The following WDSUB1 variants were observed in gnomAD, a reference collection of about 807,000 sequenced individuals.
The protein encoded by WDSUB1 is WD repeat, sterile alpha motif and U-box domain containing 1, also known as WD repeat, SAM and U-box domain-containing protein 1.
In WDSUB1, 49 loss-of-function variants were observed where a neutral mutation model predicts 53.9. That is an observed-to-expected ratio of 0.91 (90% CI 0.72 to 1.15). WDSUB1 has a LOEUF of 1.15. Ranked by LOEUF, WDSUB1 falls within the 50% of genes most tolerant of loss-of-function variation. WDSUB1 has a pLI of 0.00. For synonymous variants in WDSUB1, 194 were observed against 200.6 expected, an observed-to-expected ratio of 0.97 and a Z score of 0.28; for missense variants, 514 against 562.0, an observed-to-expected ratio of 0.91 and a Z score of 0.86.
At chr2:159,261,880 ATATATATATATATATATTTT>A (rs2061216217) in intron 5 of WDSUB1, among the ~76,000 whole-genome samples, 8 of 19,052 alleles carry the variant, frequency 4.2e-4, no homozygotes, top group African/African-American at 1.4e-3. Context: ...ATATATATAT[ATATATATATATATATATTTT>A]TTTTTTTTTT....
At chr2:159,279,651 C>T (rs897639170) in intron 3 of WDSUB1, 110 bp downstream of exon 3, 2 of 882,932 alleles carry the variant, frequency 2.3e-6, no homozygotes, top group South Asian at 4.0e-5. Context: ...ATTAAGAGGG[C>T]TCCTCACTCT....
At chr2:159,256,081 G>C (rs2061055155) in intron 9 of WDSUB1, 115 bp downstream of exon 9, 2 of 926,422 alleles carry the variant, frequency 2.2e-6, no homozygotes, top group Non-Finnish European at 3.1e-6. Context: ...CAAGAAGATG[G>C]GTCATTAGTG....
chr2:159,256,340 C>G lies in WDSUB1; in HGVS notation c.988G>C (p.Glu330Gln). The change falls in exon 9 of 11, where the codon GAA (glutamate) becomes CAA (glutamine). Residue 330 changes from glutamate (E) to glutamine (Q), a missense_variant. Transcript: ENST00000359774. The part of the protein sequence containing the change: ...RTEHQLKQFT[E>Q]DWSEEDVSTW... ...GAGACATCCTCCTCTGACCAATCTT[C>G]GGTAAATTGCTTCAGCTGATGTTCT... 6.2e-7 allele frequency: 1 copy of G among 1,610,718 alleles called. No individual in the cohort carries two copies. Among genetic ancestry groups the G allele is most frequent in the Non-Finnish European group, 8.5e-7 (1 of 1,178,910 alleles).
intron 9 of WDSUB1, among the ~76,000 whole-genome samples, chr2:159,255,504 T>G (rs1575453501): frequency 7.8e-6 from 1 of 128,600 alleles, no homozygotes; most frequent in Non-Finnish European, 1.5e-5. Flanking sequence ...TTAAATTAAA[T>G]AAAGAAAAGT....
intron 1 of WDSUB1, among the ~76,000 whole-genome samples, chr2:159,283,588 G>A (rs2061724558): frequency 1.8e-5 from 1 of 56,584 alleles, no homozygotes; most frequent in Non-Finnish European, 6.2e-5. Flanking sequence ...AGAAAATAGA[G>A]TATTTTCTAT....
intron 5 of WDSUB1, 36 bp from the exon 6 acceptor site, chr2:159,259,879 T>C (rs2061152221): frequency 1.4e-6 from 2 of 1,471,422 alleles, no homozygotes; most frequent in Non-Finnish European, 1.8e-6. Flanking sequence ...AAAAGTTCTA[T>C]AAAAACAAAG....
chr2:159,245,618 T>C (rs190003676), intron 10 of WDSUB1, among the ~76,000 whole-genome samples: 12 of 151,714 alleles, frequency 7.9e-5, no homozygotes, highest in Non-Finnish European at 1.6e-4. Context: ...CAATCAAACA[T>C]CATACAAAGT....
intron 5 of WDSUB1, 119 bp from the exon 6 acceptor site, chr2:159,259,962 A>G: frequency 1.8e-6 from 2 of 1,083,792 alleles, no homozygotes; most frequent in Non-Finnish European, 2.5e-6. Context: ...ATTAACATAC[A>G]TTTAGAATGC....
At chr2:159,280,939 T>C (rs1025007464) in intron 2 of WDSUB1, among the ~76,000 whole-genome samples, 2 of 152,188 alleles carry the variant, frequency 1.3e-5, no homozygotes, top group Admixed American at 6.5e-5. Context: ...GGGATAGTTA[T>C]GCTATAGAGC....
chr2:159,281,206 T>G (rs1420925888), intron 2 of WDSUB1, among the ~76,000 whole-genome samples: 1 of 152,146 alleles, frequency 6.6e-6, no homozygotes, highest in Non-Finnish European at 1.5e-5. Flanking sequence ...TGGTTTCTAA[T>G]GTACTTAATG....
intron 5 of WDSUB1, among the ~76,000 whole-genome samples, chr2:159,265,228 G>A (rs1236394033): frequency 7.1e-6 from 1 of 140,832 alleles, no homozygotes. Flanking sequence ...GGAAGTCAAG[G>A]CTCCAGTGAG....
intron 1 of WDSUB1, 22 bp from the exon 2 acceptor site, chr2:159,283,115 A>G: frequency 1.3e-6 from 2 of 1,553,022 alleles, no homozygotes. Context: ...AAGCAGATAA[A>G]GATTATTTAT....
intron 5 of WDSUB1, among the ~76,000 whole-genome samples, chr2:159,263,403 G>C (rs1232287897): frequency 6.6e-6 from 1 of 152,176 alleles, no homozygotes; most frequent in Non-Finnish European, 1.5e-5. Context: ...GGAAGAGAAC[G>C]TAAGAATGAG....
intron 9 of WDSUB1, among the ~76,000 whole-genome samples, chr2:159,250,386 T>C (rs551153566): frequency 1.3e-5 from 2 of 152,362 alleles, no homozygotes; most frequent in East Asian, 3.9e-4. Flanking sequence ...AAAATATTTA[T>C]AACTTAAAAA....
intron 9 of WDSUB1, among the ~76,000 whole-genome samples, chr2:159,250,088 C>CAAAAAAAAAAAAAAAAAAAAAAAAA (rs374038625): frequency 6.0e-5 from 5 of 83,542 alleles, no homozygotes; most frequent in Admixed American, 1.6e-4. Flanking sequence ...GACTCTGCCT[C>CAAAAAAAAAAAAAAAAAAAAAAAAA]AAAAAAAAAA....
intron 10 of WDSUB1, among the ~76,000 whole-genome samples, chr2:159,238,716 A>C (rs2060556546): frequency 6.6e-6 from 1 of 152,182 alleles, no homozygotes; most frequent in East Asian, 1.9e-4. Context: ...GGTTCTCGAC[A>C]TGTAACATCT....
intron 10 of WDSUB1, among the ~76,000 whole-genome samples, chr2:159,244,293 GT>G (rs2060733472): frequency 6.6e-6 from 1 of 151,490 alleles, no homozygotes; most frequent in East Asian, 2.0e-4. Context: ...ACACACTCAT[GT>G]ATGAAGAAAG....
In WDSUB1 at chr2:159,235,885, A is replaced by G. The variant is rs567429401; in HGVS notation, c.*148T>C. 2.2e-5 allele frequency: 16 copies of G among 742,038 alleles called. No homozygotes were observed. The East Asian group carries it at 4.0e-4, about 19-fold the overall frequency. The allele number at this position is 742,038 out of a possible 1,614,324, so 46.0% of individuals were successfully genotyped here. On this transcript the variant is annotated 3_prime_UTR_variant, in exon 11 of 11. Transcript: ENST00000359774. ...TATAGTAAGTCCATGTGTTTTTTAA[A>G]GAATGAAAATTGACAATTTTTATAG... is the stretch of plus-strand genomic sequence containing the variant.
At chr2:159,265,827 A>G (rs995619401) in intron 5 of WDSUB1, among the ~76,000 whole-genome samples, 1 of 152,234 alleles carries the variant, frequency 6.6e-6, no homozygotes, top group African/African-American at 2.4e-5. Context: ...GGGCTGGAGC[A>G]AAGTTATTAG....
Sources: gnomAD v4.1 joint callset for allele counts (sites outside exome capture counted in the v4.1 genomes callset) on GRCh38, gnomAD v4.1.1 for gene constraint, MANE v1.5 for transcripts, NCBI Gene and HGNC (gene_info 2026-07-23, HGNC 2026-07-21) for gene names.